The following PPP1R12B variants were observed in gnomAD, a reference collection of about 807,000 sequenced individuals.
The protein encoded by PPP1R12B is myosin phosphatase target subunit 2.
A neutral mutation model predicts 126.1 loss-of-function variants in PPP1R12B; 76 were observed. The ratio of observed to expected loss-of-function variants is 0.60; its 90% CI spans 0.50 to 0.73. The LOEUF (loss-of-function observed/expected upper bound fraction) is 0.73. Ranked by LOEUF, PPP1R12B falls within the 30% of genes least tolerant of loss-of-function variation. The probability of loss-of-function intolerance (pLI) is 0.00; values close to 1 mark genes in which losing one functional copy is unlikely to be tolerated. For synonymous variants in PPP1R12B, 356 were observed against 434.7 expected, an observed-to-expected ratio of 0.82 and a Z score of 2.25; for missense variants, 1,052 against 1,205.1, an observed-to-expected ratio of 0.87 and a Z score of 1.88.
chr1:202,370,644 C>T (rs944363410), intron 1 of PPP1R12B, among the ~76,000 whole-genome samples: 4 of 152,046 alleles, frequency 2.6e-5, no homozygotes, highest in African/African-American at 9.7e-5. Flanking sequence ...TCAAGCGATT[C>T]TCCTGCCTCA....
chr1:202,390,824 C>T (rs533748431), intron 1 of PPP1R12B, among the ~76,000 whole-genome samples: 84 of 152,270 alleles, frequency 5.5e-4, no homozygotes, highest in African/African-American at 1.9e-3. Context: ...TTGACACTAT[C>T]GAGAAAGCAG....
intron 18 of PPP1R12B, among the ~76,000 whole-genome samples, chr1:202,550,605 G>T (rs946831754): frequency 6.6e-6 from 1 of 152,138 alleles, no homozygotes; most frequent in African/African-American, 2.4e-5. Flanking sequence ...CATAGTTTCA[G>T]ATGCCCATAC....
intron 1 of PPP1R12B, among the ~76,000 whole-genome samples, chr1:202,365,137 CATG>C (rs1658974178): frequency 6.6e-6 from 1 of 152,190 alleles, no homozygotes; most frequent in Non-Finnish European, 1.5e-5. Flanking sequence ...TAGTTGAACT[CATG>C]GTATGTTAAA....
chr1:202,560,985 A>C (rs1418056366), intron 19 of PPP1R12B, among the ~76,000 whole-genome samples: 1 of 152,008 alleles, frequency 6.6e-6, no homozygotes, highest in African/African-American at 2.4e-5. Context: ...CACATTGTGC[A>C]CATGTACCCT....
intron 18 of PPP1R12B, among the ~76,000 whole-genome samples, chr1:202,557,384 C>T (rs1687065732): frequency 6.6e-6 from 1 of 151,978 alleles, no homozygotes; most frequent in South Asian, 2.1e-4. Context: ...AGAAAGTAGG[C>T]AATGATAGTG....
chr1:202,384,587 G>C (rs993749072), intron 1 of PPP1R12B, among the ~76,000 whole-genome samples: 18 of 152,170 alleles, frequency 1.2e-4, no homozygotes, highest in African/African-American at 3.6e-4. Context: ...AATGGAACAG[G>C]GTTTCTCTTT....
intron 18 of PPP1R12B, among the ~76,000 whole-genome samples, chr1:202,551,651 A>G (rs1225742081): frequency 6.6e-6 from 1 of 152,222 alleles, no homozygotes; most frequent in Admixed American, 6.5e-5. Flanking sequence ...GTTCTGTTAC[A>G]TAGCACAGTT....
At chr1:202,579,049 A>G (rs775725485) in intron 23 of PPP1R12B, among the ~76,000 whole-genome samples, 19 of 152,234 alleles carry the variant, frequency 1.2e-4, no homozygotes, top group Admixed American at 2.6e-4. Context: ...TAACAACTGT[A>G]TCATAGTCTC....
intron 1 of PPP1R12B, among the ~76,000 whole-genome samples, chr1:202,357,540 A>C (rs1657338862): frequency 6.6e-6 from 1 of 152,226 alleles, no homozygotes. Flanking sequence ...ACACTTTAAA[A>C]GCTGAATTCT....
rs577209111 is a variant in PPP1R12B at position 202,425,819 on chromosome 1, G to T, written c.701+94G>T. On this transcript the variant is annotated intron_variant, in intron 4 of 23. Transcript: ENST00000608999. ...GCTGAATTAGATTTTCCGCTATGAC[G>T]TGTTTCCTTTTTTGTTGGTTTCCTC... is the stretch of plus-strand genomic sequence containing the variant. 12 of 1,256,862 alleles carry T rather than the reference G, an allele frequency of 9.5e-6. No homozygotes were observed. The East Asian group carries it at 1.7e-4, about 18-fold the overall frequency. The allele number at this position is 1,256,862 out of a possible 1,614,324, so 77.9% of individuals were successfully genotyped here.
chr1:202,585,317 C>T lies in PPP1R12B; in HGVS notation c.*4757C>T, dbSNP rs951941455. 1 of 152,222 alleles carries T rather than the reference C, an allele frequency of 6.6e-6. No individual in the cohort carries two copies. The highest frequency in any genetic ancestry group is 2.4e-5 in the African/African-American group (1 of 41,458). 9.4% of individuals were successfully genotyped at this position (152,222 alleles called of 1,614,324 possible). On this transcript the variant is annotated 3_prime_UTR_variant, in exon 24 of 24. Transcript: ENST00000608999. ...CAGCCTACCATACTGATTTTCAAGG[C>T]AGGGTCTAACCCTTCATAAGATGTG... is the stretch of plus-strand genomic sequence containing the variant.
chr1:202,549,158 G>A (rs1236040080), intron 18 of PPP1R12B, among the ~76,000 whole-genome samples: 1 of 152,104 alleles, frequency 6.6e-6, no homozygotes, highest in Non-Finnish European at 1.5e-5. Flanking sequence ...ATCTTTCAAG[G>A]CAGACTAGCA....
At chr1:202,519,472 A>G (rs1297159511) in intron 18 of PPP1R12B, among the ~76,000 whole-genome samples, 4 of 151,990 alleles carry the variant, frequency 2.6e-5, no homozygotes, top group African/African-American at 4.8e-5. Context: ...GGCTTTTGCT[A>G]TGTTGGCCAG....
chr1:202,531,959 T>G (rs1683998756), intron 18 of PPP1R12B, among the ~76,000 whole-genome samples: 1 of 152,176 alleles, frequency 6.6e-6, no homozygotes, highest in Non-Finnish European at 1.5e-5. Flanking sequence ...GCAAGTTTAT[T>G]TAGAAAGTGA....
At chr1:202,426,311 G>A (rs41461149) in intron 4 of PPP1R12B, among the ~76,000 whole-genome samples, 5,274 of 152,202 alleles carry the variant, frequency 0.035, 318 homozygotes, top group African/African-American at 0.12. Flanking sequence ...GACTCTTCCA[G>A]TATTTCATAT....
chr1:202,461,647 T>C (rs1182344333), intron 13 of PPP1R12B, among the ~76,000 whole-genome samples: 1 of 152,186 alleles, frequency 6.6e-6, no homozygotes, highest in East Asian at 1.9e-4. Flanking sequence ...ATCTCAAGTT[T>C]AGGAGACTTA....
chr1:202,584,128 T>A lies in PPP1R12B; in HGVS notation c.*3568T>A, dbSNP rs1689692189. 6.6e-6 allele frequency: 1 copy of A among 152,242 alleles called. No individual in the cohort carries two copies. The highest frequency in any genetic ancestry group is 2.4e-5 in the African/African-American group (1 of 41,446). 9.4% of individuals were successfully genotyped at this position (152,242 alleles called of 1,614,324 possible). A position where few individuals can be genotyped will look rare whatever the true frequency, so the allele number is the denominator to read the frequency against. ...AAGAATCTAAAGAATAGACATGCTT[T>A]GGGCTTACTCAGTGTACCAGATTCT... is the stretch of plus-strand genomic sequence containing the variant. On this transcript the variant is annotated 3_prime_UTR_variant, in exon 24 of 24. Coordinates refer to ENST00000608999, the MANE Select transcript of PPP1R12B (RefSeq NM_002481.4).
intron 1 of PPP1R12B, among the ~76,000 whole-genome samples, chr1:202,391,383 G>C (rs1664137041): frequency 6.6e-6 from 1 of 152,112 alleles, no homozygotes; most frequent in South Asian, 2.1e-4. Flanking sequence ...ATAATGACAA[G>C]TATTGGTGAG....
In PPP1R12B at chr1:202,592,546, C is replaced by G. The variant is rs1016537216; in HGVS notation, c.*11986C>G. On this transcript the variant is annotated 3_prime_UTR_variant, in exon 24 of 24. Transcript: ENST00000608999. Reference sequence around the variant, plus strand: ...TTTACAGAAAGTTATAGACATGCATCTTGATTAAACAAGATTCTGTTCATA... The same window carrying G: ...TTTACAGAAAGTTATAGACATGCATGTTGATTAAACAAGATTCTGTTCATA... 6.6e-6 allele frequency: 1 copy of G among 152,232 alleles called. No individual in the cohort carries two copies. The highest frequency in any genetic ancestry group is 6.5e-5 in the Admixed American group (1 of 15,286). 9.4% of individuals were successfully genotyped at this position (152,232 alleles called of 1,614,324 possible).
Sources: allele counts gnomAD v4.1 joint callset (sites outside exome capture counted in the v4.1 genomes callset), GRCh38; gene constraint gnomAD v4.1.1; transcripts MANE v1.5; gene names NCBI Gene and HGNC (gene_info 2026-07-23, HGNC 2026-07-21).